The following PRPF18 variants were observed in gnomAD, a reference collection of about 807,000 sequenced individuals.
PRPF18 encodes the protein pre-mRNA-splicing factor 18.
A neutral mutation model predicts 46.5 loss-of-function variants in PRPF18; 38 were observed. The ratio of observed to expected loss-of-function variants is 0.82; its 90% CI spans 0.63 to 1.07. PRPF18 has a LOEUF of 1.07. PRPF18 is among the 50% of genes least tolerant of loss of function. The probability of loss-of-function intolerance (pLI) is 0.00; values close to 1 mark genes in which losing one functional copy is unlikely to be tolerated. For missense variants in PRPF18, 263 were observed against 410.0 expected (o/e 0.64, Z 3.10); for synonymous variants, 152 against 146.7 (o/e 1.04, Z -0.26).
downstream of PRPF18, among the ~76,000 whole-genome samples, chr10:13,635,411 A>G (rs539625429): frequency 9.8e-5 from 15 of 152,338 alleles, no homozygotes; most frequent in South Asian, 1.7e-3. Context: ...TTATATACCC[A>G]GGAATGGGAT....
chr10:13,589,217 G>A (rs183692813), intron 1 of PRPF18, among the ~76,000 whole-genome samples: 1 of 152,306 alleles, frequency 6.6e-6, no homozygotes, highest in Admixed American at 6.5e-5. Flanking sequence ...TGCTCACTTT[G>A]TTCAGTTTGG....
At chr10:13,621,519 G>C (rs2080419503) in intron 9 of PRPF18, among the ~76,000 whole-genome samples, 1 of 152,074 alleles carries the variant, frequency 6.6e-6, no homozygotes, top group Admixed American at 6.5e-5. Flanking sequence ...TCAGAATTTG[G>C]GCTAGCCACA....
At chr10:13,595,675 C>T (rs892729175) in intron 1 of PRPF18, among the ~76,000 whole-genome samples, 10 of 152,158 alleles carry the variant, frequency 6.6e-5, no homozygotes, top group Admixed American at 3.9e-4. Flanking sequence ...TTGCCCCCAC[C>T]GTACTCAGGG....
chr10:13,634,809 G>T (rs2080622115), downstream of PRPF18, among the ~76,000 whole-genome samples: 1 of 152,066 alleles, frequency 6.6e-6, no homozygotes, highest in Admixed American at 6.5e-5. Flanking sequence ...ATATGCTGGT[G>T]GTTATCCTCA....
In PRPF18 at chr10:13,610,010, G is replaced by A. The variant is rs759614334; in HGVS notation, c.364-29G>A. 3 of 1,562,118 alleles carry A rather than the reference G, an allele frequency of 1.9e-6. No individual in the cohort carries two copies. The African/African-American group carries it at 4.1e-5, about 21-fold the overall frequency. On this transcript the variant is annotated intron_variant, in intron 4 of 9. Coordinates refer to ENST00000378572, the MANE Select transcript of PRPF18 (RefSeq NM_003675.4). ...AACAGGTGTTCTTCCTTTCATAACAGGTGTTCTTCCTTTTTTTGCTTTTCT... is the reference window on the plus strand; with the variant it reads ...AACAGGTGTTCTTCCTTTCATAACAAGTGTTCTTCCTTTTTTTGCTTTTCT...
At chr10:13,629,095 T>C (rs910258783) in intron 9 of PRPF18, among the ~76,000 whole-genome samples, 5 of 152,174 alleles carry the variant, frequency 3.3e-5, no homozygotes, top group Admixed American at 3.3e-4. Flanking sequence ...GTGATAGTTG[T>C]TTTCATCAGC....
At chr10:13,648,423 G>C in the PRPF18 span, among the ~76,000 whole-genome samples, 5 of 152,140 alleles carry the variant, frequency 3.3e-5, no homozygotes, top group Admixed American at 3.3e-4. Flanking sequence ...TTTTCTTAGG[G>C]GGACAGTCTC....
downstream of PRPF18, chr10:13,631,240 A>G (rs1005409087): frequency 2.6e-5 from 4 of 152,288 alleles, no homozygotes; most frequent in Non-Finnish European, 5.9e-5. Context: ...ATGTTGCACA[A>G]TGTCATACTC....
At chr10:13,594,089 T>C (rs2080001342) in intron 1 of PRPF18, among the ~76,000 whole-genome samples, 1 of 152,226 alleles carries the variant, frequency 6.6e-6, no homozygotes, top group Admixed American at 6.5e-5. Flanking sequence ...AGCTTTTATT[T>C]ACATAGGACA....
At chr10:13,614,160 G>C (rs376498603) in intron 8 of PRPF18, 74 bp downstream of exon 8, 10 of 1,136,024 alleles carry the variant, frequency 8.8e-6, no homozygotes, top group East Asian at 2.5e-5. Context: ...TGTTCATTTG[G>C]GATAGGAGGA....
At chr10:13,595,576 A>G (rs992684996) in intron 1 of PRPF18, among the ~76,000 whole-genome samples, 1 of 152,214 alleles carries the variant, frequency 6.6e-6, no homozygotes, top group African/African-American at 2.4e-5. Context: ...CCAGAGTTCT[A>G]GTTGCTACTC....
intron 1 of PRPF18, chr10:13,591,729 T>A: frequency 9.5e-7 from 1 of 1,047,546 alleles, no homozygotes; most frequent in Non-Finnish European, 1.4e-6. Context: ...CAATTTTGGT[T>A]GAGGTGGCAA....
At chr10:13,613,419 TA>T (rs2080299481) in intron 6 of PRPF18, among the ~76,000 whole-genome samples, 1 of 141,264 alleles carries the variant, frequency 7.1e-6, no homozygotes, top group African/African-American at 2.5e-5. Flanking sequence ...ATTTTATGTA[TA>T]TAATACAAAT....
the PRPF18 span, chr10:13,652,081 T>C: frequency 4.0e-6 from 3 of 748,138 alleles, no homozygotes; most frequent in East Asian, 7.4e-5. Context: ...TCCGAAAGGC[T>C]TGCTGATTAG....
the PRPF18 span, chr10:13,640,456 A>G: frequency 2.6e-5 from 4 of 152,142 alleles, no homozygotes; most frequent in African/African-American, 7.2e-5. Flanking sequence ...GCTTTCCTCA[A>G]TACAACATAG....
chr10:13,594,318 ATGT>A (rs1248013940), intron 1 of PRPF18, among the ~76,000 whole-genome samples: 10 of 152,332 alleles, frequency 6.6e-5, no homozygotes, highest in Admixed American at 6.5e-5. Context: ...CTGTTGCTGT[ATGT>A]TGTTTTCAAG....
Position 13,614,062 on chromosome 10 carries a change from C to A in PRPF18, c.768C>A (p.Phe256Leu). 6.3e-7 allele frequency: 1 copy of A among 1,586,790 alleles called. No individual in the cohort carries two copies. Among genetic ancestry groups the A allele is most frequent in the South Asian group, 1.2e-5 (1 of 86,188 alleles). ...AATCAATAACGGATATTATTAAATT[C>A]ATGTTGCAGAGAGAATACGTGAAGG... ...IKESITDIIK[F>L]MLQREYVKAN... is the part of the protein sequence containing the mutation. The change falls in exon 8 of 10, where the codon TTC becomes TTA. Residue 256 changes from phenylalanine (F) to leucine (L), a missense_variant. Around this residue, in one of 4 missense-constraint regions of PRPF18, gnomAD observed 155 missense variants for 245.1 expected, o/e 0.63. Coordinates refer to ENST00000378572, the MANE Select transcript of PRPF18 (RefSeq NM_003675.4).
chr10:13,619,958 G>C (rs2080399391), intron 9 of PRPF18, among the ~76,000 whole-genome samples: 1 of 151,862 alleles, frequency 6.6e-6, no homozygotes, highest in Non-Finnish European at 1.5e-5. Flanking sequence ...TAAACCCATA[G>C]TGTAACTCAA....
the PRPF18 span, chr10:13,645,206 C>G: frequency 6.6e-6 from 1 of 152,318 alleles, no homozygotes; most frequent in East Asian, 1.9e-4. Context: ...TTCTTGGATT[C>G]CACATACATG....
Sources: gnomAD v4.1 joint callset for allele counts (sites outside exome capture counted in the v4.1 genomes callset) on GRCh38, gnomAD v4.1.1 for gene constraint, gnomAD v4.1.1 regional missense constraint, MANE v1.5 for transcripts, NCBI Gene and HGNC (gene_info 2026-07-23, HGNC 2026-07-21) for gene names.